Variants in FAM171A1 observed in about 807,000 individuals in gnomAD.
FAM171A1 encodes the protein protein FAM171A1.
FAM171A1 carries 23 observed loss-of-function variants against 74.9 expected under a neutral mutation model. The ratio of observed to expected loss-of-function variants is 0.31; its 90% CI spans 0.22 to 0.44. The LOEUF (loss-of-function observed/expected upper bound fraction) is 0.44, where lower values mean the gene tolerates loss of function less well. Among genes scored for constraint, FAM171A1 ranks in the 20% least tolerant of loss-of-function variants. FAM171A1 has a pLI of 1.00. For missense variants in FAM171A1, 1,162 were observed against 1,159.2 expected (o/e 1.00, Z -0.03); for synonymous variants, 527 against 505.7 (o/e 1.04, Z -0.57).
At chr10:15,270,992 G>A (rs1834817149) in intron 3 of FAM171A1, among the ~76,000 whole-genome samples, 1 of 152,224 alleles carries the variant, frequency 6.6e-6, no homozygotes, top group South Asian at 2.1e-4. Flanking sequence ...AAGGAATGCA[G>A]CTCCTCGCCA....
Position 15,289,208 on chromosome 10 carries a change from A to T in FAM171A1, c.98-5103T>A, listed in dbSNP as rs116577581. Among the ~76,000 whole-genome samples the T allele has an allele frequency of 4.4e-3, 665 of 152,168 alleles. 5 individuals carry two copies. The highest frequency in any genetic ancestry group is 0.015 in the African/African-American group (619 of 41,526). ...GACTCTCCATTCAACCGCAAACAAA[A>T]CTATCCCTAACTAAATGACAACCAG... On this transcript the variant is annotated intron_variant, in intron 1 of 7. Transcript: ENST00000378116.
At chr10:15,269,059 A>T (rs1192251135) in intron 3 of FAM171A1, among the ~76,000 whole-genome samples, 1 of 151,958 alleles carries the variant, frequency 6.6e-6, no homozygotes, top group South Asian at 2.1e-4. Flanking sequence ...CAAACAAACA[A>T]ACAAACAAAC....
At position 15,349,379 on chromosome 10, in the gene FAM171A1, G is replaced by T. The variant is rs76784541; in HGVS notation, c.97+21577C>A. ...CATGCATGTAACTCGAGTAGGAGGG[G>T]TTCAATAAATATCCATGAATCAGTG... On this transcript the variant is annotated intron_variant, in intron 1 of 7. Coordinates refer to ENST00000378116, the MANE Select transcript of FAM171A1 (RefSeq NM_001010924.2). Among the ~76,000 whole-genome samples, 367 of 152,270 alleles carry T rather than the reference G, an allele frequency of 2.4e-3. 1 individual carries two copies. The highest frequency in any genetic ancestry group is 7.8e-3 in the African/African-American group (323 of 41,550).
At chr10:15,236,605 C>G (rs1343130476) in intron 5 of FAM171A1, among the ~76,000 whole-genome samples, 1 of 152,204 alleles carries the variant, frequency 6.6e-6, no homozygotes, top group African/African-American at 2.4e-5. Context: ...CGAATGCTAT[C>G]AGCTGTGTCT....
In FAM171A1 at chr10:15,326,917, G is replaced by A. The variant is rs551307982; in HGVS notation, c.98-42812C>T. ...GGCTGGGATTACAGGCGTGGCCCAC[G>A]ACACTCCGGCTACAATTCTTGTTTT... On this transcript the variant is annotated intron_variant, in intron 1 of 7. Transcript: ENST00000378116. Among the ~76,000 whole-genome samples the A allele has an allele frequency of 8.5e-5, 13 of 152,210 alleles. No individual in the cohort carries two copies. The South Asian group carries it at 1.7e-3, about 19-fold the overall frequency.
intron 3 of FAM171A1, among the ~76,000 whole-genome samples, chr10:15,267,557 C>G (rs544111610): frequency 8.0e-5 from 10 of 124,624 alleles, no homozygotes; most frequent in Admixed American, 7.7e-4. Flanking sequence ...GAGCCGAGAT[C>G]GCGCCACTGT....
At chr10:15,310,126 A>G (rs1028933689) in intron 1 of FAM171A1, among the ~76,000 whole-genome samples, 5 of 152,196 alleles carry the variant, frequency 3.3e-5, no homozygotes, top group Admixed American at 6.5e-5. Flanking sequence ...AAGAATGGCC[A>G]GTTTCCAGTT....
chr10:15,373,465 T>C (rs1836172423), upstream of FAM171A1, among the ~76,000 whole-genome samples: 1 of 152,240 alleles, frequency 6.6e-6, no homozygotes, highest in South Asian at 2.1e-4. Context: ...GTAAATTCCC[T>C]ATACCATGTT....
chr10:15,273,561 A>C (rs1050984484), intron 3 of FAM171A1, among the ~76,000 whole-genome samples: 1 of 152,206 alleles, frequency 6.6e-6, no homozygotes, highest in African/African-American at 2.4e-5. Flanking sequence ...CATCATCCTG[A>C]TGCCAAAGCC....
At chr10:15,295,827 G>A (rs1008322591) in intron 1 of FAM171A1, among the ~76,000 whole-genome samples, 1 of 152,202 alleles carries the variant, frequency 6.6e-6, no homozygotes, top group Non-Finnish European at 1.5e-5. Context: ...AGCTGAAAAG[G>A]AGCCTCTCTC....
intron 5 of FAM171A1, chr10:15,241,899 T>C (rs2131747686): frequency 6.6e-6 from 1 of 152,298 alleles, no homozygotes; most frequent in African/African-American, 2.4e-5. Context: ...CCCCATTTGA[T>C]TTTTTTCTTT....
At chr10:15,267,798 G>A (rs913428583) in intron 3 of FAM171A1, among the ~76,000 whole-genome samples, 3 of 152,054 alleles carry the variant, frequency 2.0e-5, no homozygotes, top group African/African-American at 7.2e-5. Context: ...AGCAGAACAC[G>A]GAGCGGTGAG....
At chr10:15,331,977 T>C (rs1835643999) in intron 1 of FAM171A1, among the ~76,000 whole-genome samples, 1 of 150,280 alleles carries the variant, frequency 6.7e-6, no homozygotes, top group Non-Finnish European at 1.5e-5. Context: ...TTAGACAGAG[T>C]CTTGCTCTGT....
chr10:15,373,928 T>C (rs1836176576), upstream of FAM171A1, among the ~76,000 whole-genome samples: 1 of 152,230 alleles, frequency 6.6e-6, no homozygotes, highest in Non-Finnish European at 1.5e-5. Context: ...GTTGTTGTTG[T>C]TGCTGTTGTG....
chr10:15,283,183 C>G (rs150949291), intron 2 of FAM171A1, among the ~76,000 whole-genome samples: 250 of 152,184 alleles, frequency 1.6e-3, no homozygotes, highest in Middle Eastern at 6.8e-3. Context: ...TAATTCACAC[C>G]ATCAGTGCAA....
chr10:15,276,317 A>T (rs1483051931), intron 2 of FAM171A1, among the ~76,000 whole-genome samples: 4 of 152,092 alleles, frequency 2.6e-5, no homozygotes, highest in Non-Finnish European at 4.4e-5. Flanking sequence ...AGTAGCTGAG[A>T]TTACAGGCAC....
At chr10:15,287,516 T>C (rs1419891290) in intron 1 of FAM171A1, among the ~76,000 whole-genome samples, 1 of 151,450 alleles carries the variant, frequency 6.6e-6, no homozygotes, top group Non-Finnish European at 1.5e-5. Flanking sequence ...GCCACCAGAG[T>C]AGCTGGGACT....
At chr10:15,295,148 G>C (rs1291733776) in intron 1 of FAM171A1, among the ~76,000 whole-genome samples, 1 of 151,996 alleles carries the variant, frequency 6.6e-6, no homozygotes, top group Non-Finnish European at 1.5e-5. Context: ...ATGTTGGCCA[G>C]ACTGGTCTTG....
chr10:15,330,701 TTTC>T lies in FAM171A1; in HGVS notation c.97+40252_97+40254del, dbSNP rs200509386. 9.6e-3 allele frequency among the ~76,000 whole-genome samples: 1,261 copies of T among 131,364 alleles called. 244 individuals carry two copies. The highest frequency in any genetic ancestry group is 0.034 in the Middle Eastern group (8 of 232). 86.2% of individuals were successfully genotyped at this position (131,364 alleles called of 152,430 possible). ...TTTTGAAGCCTCTGAAGCATATTTTTTTCTTCTTCTTCTTTTTTTTTTTTTTTT... is the reference window on the plus strand; with the variant it reads ...TTTTGAAGCCTCTGAAGCATATTTTTTTCTTCTTCTTTTTTTTTTTTTTTT... On this transcript the variant is annotated intron_variant, in intron 1 of 7. Coordinates refer to ENST00000378116, the MANE Select transcript of FAM171A1 (RefSeq NM_001010924.2).
Sources: allele counts gnomAD v4.1 joint callset (sites outside exome capture counted in the v4.1 genomes callset), GRCh38; gene constraint gnomAD v4.1.1; transcripts MANE v1.5; gene names NCBI Gene and HGNC (gene_info 2026-07-23, HGNC 2026-07-21).